The following MSI2 variants were observed in gnomAD, a reference collection of about 807,000 sequenced individuals.
MSI2 encodes RNA-binding protein Musashi homolog 2.
In MSI2, 17 loss-of-function variants were observed where a neutral mutation model predicts 45.6. That is an observed-to-expected ratio of 0.37 (90% CI 0.26 to 0.56). The LOEUF is 0.56. Among genes scored for constraint, MSI2 ranks in the 20% least tolerant of loss-of-function variants. The probability of loss-of-function intolerance (pLI) is 0.77; values close to 1 mark genes in which losing one functional copy is unlikely to be tolerated. For synonymous variants in MSI2, 156 were observed against 158.2 expected, an observed-to-expected ratio of 0.99 and a Z score of 0.11; for missense variants, 293 against 444.2, an observed-to-expected ratio of 0.66 and a Z score of 3.06.
intron 7 of MSI2, among the ~76,000 whole-genome samples, chr17:57,588,000 A>T (rs1904469123): frequency 6.6e-6 from 1 of 152,178 alleles, no homozygotes; most frequent in Admixed American, 6.5e-5. Context: ...TGCATGAAGG[A>T]TGCCACAGTG....
intron 5 of MSI2, among the ~76,000 whole-genome samples, chr17:57,304,525 C>T (rs558788701): frequency 4.0e-5 from 6 of 150,148 alleles, no homozygotes; most frequent in African/African-American, 7.3e-5. Flanking sequence ...CCGGTTCAAG[C>T]GATTCTCCTG....
chr17:57,277,053 CTTTTTTTT>C (rs34561938), intron 5 of MSI2, among the ~76,000 whole-genome samples: 2 of 124,994 alleles, frequency 1.6e-5, no homozygotes, highest in Non-Finnish European at 3.4e-5. Context: ...GTTTTCTTTT[CTTTTTTTT>C]TTTTTTTTTT....
intron 7 of MSI2, among the ~76,000 whole-genome samples, chr17:57,574,801 G>A (rs1401064540): frequency 6.6e-6 from 1 of 150,822 alleles, no homozygotes; most frequent in Admixed American, 6.6e-5. Context: ...AGCCTTCAAA[G>A]ACACAAATTC....
intron 8 of MSI2, among the ~76,000 whole-genome samples, chr17:57,600,552 C>T (rs766886643): frequency 3.3e-5 from 5 of 152,190 alleles, no homozygotes; most frequent in Non-Finnish European, 5.9e-5. Flanking sequence ...CTAATTGGGT[C>T]GGGGAGTCTC....
chr17:57,322,156 G>A (rs1913403216), intron 5 of MSI2, among the ~76,000 whole-genome samples: 1 of 152,146 alleles, frequency 6.6e-6, no homozygotes, highest in African/African-American at 2.4e-5. Context: ...GTTTATAGCT[G>A]TCCCCACAGT....
At chr17:57,569,997 C>T (rs563141669) in intron 7 of MSI2, among the ~76,000 whole-genome samples, 48 of 152,170 alleles carry the variant, frequency 3.2e-4, no homozygotes, top group Admixed American at 7.9e-4. Flanking sequence ...ACACGAGCCA[C>T]GGCTGACACA....
intron 8 of MSI2, among the ~76,000 whole-genome samples, chr17:57,613,341 C>A (rs11079312): frequency 0.58 from 88,123 of 152,002 alleles, 26,009 homozygotes; most frequent in Non-Finnish European, 0.63. Context: ...AACCCATCAT[C>A]CTGGTTTGCC....
rs1443332746 is a variant in MSI2, at chr17:57,529,342, A to G, written c.406-334A>G. Among the ~76,000 whole-genome samples, 1 of 152,194 alleles carries G rather than the reference A, an allele frequency of 6.6e-6. No homozygotes were observed. Among genetic ancestry groups the G allele is most frequent in the Non-Finnish European group, 1.5e-5 (1 of 68,038 alleles). Reference sequence around the variant, plus strand: ...TCCCAGCTACTCAGGAAGCTGAGGCAGGAGGATTGCTTGAGCTCAGGAGGT... The same window carrying G: ...TCCCAGCTACTCAGGAAGCTGAGGCGGGAGGATTGCTTGAGCTCAGGAGGT... On this transcript the variant is annotated intron_variant, in intron 6 of 13. Transcript: ENST00000284073. The surrounding 1 kb of genome is among the most constrained non-coding windows in gnomAD (Gnocchi z 5.3).
chr17:57,640,006 T>C (rs1487715849), intron 10 of MSI2, among the ~76,000 whole-genome samples: 2 of 152,034 alleles, frequency 1.3e-5, no homozygotes, highest in East Asian at 3.9e-4. Flanking sequence ...TGCCTGCTTG[T>C]TGGGAACAGA....
At chr17:57,263,015 A>G (rs1216423395) in intron 5 of MSI2, among the ~76,000 whole-genome samples, 2 of 152,186 alleles carry the variant, frequency 1.3e-5, no homozygotes, top group East Asian at 3.8e-4. Context: ...CTTTTTATGT[A>G]TCTTCGGGAT....
intron 5 of MSI2, among the ~76,000 whole-genome samples, chr17:57,348,813 T>C (rs1915810761): frequency 6.6e-6 from 1 of 152,156 alleles, no homozygotes; most frequent in Non-Finnish European, 1.5e-5. Flanking sequence ...AATGGTGACA[T>C]TCTTAGGTTG....
chr17:57,589,450 G>A (rs1254940751), intron 7 of MSI2, among the ~76,000 whole-genome samples: 1 of 152,162 alleles, frequency 6.6e-6, no homozygotes, highest in African/African-American at 2.4e-5. Flanking sequence ...TTCCAGGTGG[G>A]GCCTCAGACC....
At chr17:57,700,639 A>C in the MSI2 span, among the ~76,000 whole-genome samples, 1 of 152,186 alleles carries the variant, frequency 6.6e-6, no homozygotes, top group Non-Finnish European at 1.5e-5. Context: ...GCGGTTGCTC[A>C]TGCCTGTAAT....
At chr17:57,310,240 T>C (rs964184121) in intron 5 of MSI2, among the ~76,000 whole-genome samples, 1 of 152,150 alleles carries the variant, frequency 6.6e-6, no homozygotes, top group Non-Finnish European at 1.5e-5. Context: ...ACATTGCCTG[T>C]CTTCCTAAAG....
intron 6 of MSI2, among the ~76,000 whole-genome samples, chr17:57,462,821 T>C (rs1450850110): frequency 6.6e-6 from 1 of 152,220 alleles, no homozygotes; most frequent in Non-Finnish European, 1.5e-5. Context: ...CCAGAGTTCC[T>C]TCCTTCCTGG....
chr17:57,431,776 C>G (rs1460258344), intron 6 of MSI2, among the ~76,000 whole-genome samples: 1 of 152,208 alleles, frequency 6.6e-6, no homozygotes, highest in Non-Finnish European at 1.5e-5. Context: ...TCCAGCTTTG[C>G]AGCAAACAAG....
chr17:57,350,400 G>C (rs16958255), intron 5 of MSI2, among the ~76,000 whole-genome samples: 13,222 of 152,142 alleles, frequency 0.087, 1,879 homozygotes, highest in African/African-American at 0.3. Context: ...TTCGGTTTGT[G>C]CAAGGAAGGG....
intron 6 of MSI2, among the ~76,000 whole-genome samples, chr17:57,433,335 G>A (rs1273875291): frequency 6.6e-6 from 1 of 152,164 alleles, no homozygotes; most frequent in African/African-American, 2.4e-5. Context: ...CTAATGCAGT[G>A]ACTGGTATCC....
intron 10 of MSI2, among the ~76,000 whole-genome samples, chr17:57,639,522 G>A (rs1367809336): frequency 6.6e-6 from 1 of 152,252 alleles, no homozygotes; most frequent in South Asian, 2.1e-4. Flanking sequence ...ATAGGAGGCT[G>A]TTCCCCGACT....
Sources: allele counts gnomAD v4.1 joint callset (sites outside exome capture counted in the v4.1 genomes callset), GRCh38; gene constraint gnomAD v4.1.1; non-coding constraint Gnocchi (gnomAD v3.1); transcripts MANE v1.5; gene names NCBI Gene and HGNC (gene_info 2026-07-23, HGNC 2026-07-21).